Variants in SLC4A1AP observed in about 807,000 individuals in gnomAD.
SLC4A1AP encodes kanadaptin.
In SLC4A1AP, 64 loss-of-function variants were observed where a neutral mutation model predicts 89.7. The ratio of observed to expected loss-of-function variants is 0.71; its 90% CI spans 0.58 to 0.88. The LOEUF (loss-of-function observed/expected upper bound fraction) is 0.88. Among genes scored for constraint, SLC4A1AP ranks in the 40% least tolerant of loss-of-function variants. The pLI, the probability that SLC4A1AP is intolerant of heterozygous loss-of-function variation, is 0.00. For missense variants in SLC4A1AP, 931 were observed against 965.0 expected, an observed-to-expected ratio of 0.96 and a Z score of 0.47; for synonymous variants, 366 against 353.3, an observed-to-expected ratio of 1.04 and a Z score of -0.40.
rs1342996864 is a variant in SLC4A1AP, at chr2:27,694,708, C to A, written c.*25C>A. 2.7e-6 allele frequency: 4 copies of A among 1,488,844 alleles called. No homozygotes were observed. In the East Asian group the frequency reaches 9.2e-5, roughly 34 times the overall value. 92.2% of individuals were successfully genotyped at this position (1,488,844 alleles called of 1,614,324 possible). A position where few individuals can be genotyped will look rare whatever the true frequency, so the allele number is the denominator to read the frequency against. On this transcript the variant is annotated 3_prime_UTR_variant, in exon 14 of 14. Transcript: ENST00000613058. ...ATTGCTTCAGAATCCCAAAAGAAAA[C>A]CTTGTGGACCATGTGACATGGAATA...
intron 5 of SLC4A1AP, among the ~76,000 whole-genome samples, chr2:27,671,131 C>T (rs1345361297): frequency 6.6e-6 from 1 of 151,894 alleles, no homozygotes; most frequent in Non-Finnish European, 1.5e-5. Context: ...CCATATTGGC[C>T]AGGCTGGTGT....
chr2:27,691,302 T>G (rs1675782960), intron 12 of SLC4A1AP, among the ~76,000 whole-genome samples: 1 of 152,154 alleles, frequency 6.6e-6, no homozygotes, highest in Non-Finnish European at 1.5e-5. Context: ...AATTTATCCA[T>G]TTCTACTAGA....
intron 6 of SLC4A1AP, among the ~76,000 whole-genome samples, chr2:27,676,903 G>A (rs1005167335): frequency 9.9e-5 from 15 of 151,620 alleles, no homozygotes; most frequent in African/African-American, 3.6e-4. Context: ...CACTTTGAGA[G>A]GCTGAGGCAG....
exon 6 of SLC4A1AP, chr2:27,675,583 G>C (rs771603319): frequency 7.5e-6 from 12 of 1,608,992 alleles, no homozygotes; most frequent in Non-Finnish European, 1.0e-5. Context: ...TTTTATGATA[G>C]TGATGATGAC....
intron 2 of SLC4A1AP, among the ~76,000 whole-genome samples, chr2:27,666,018 C>T (rs1675312374): frequency 6.6e-6 from 1 of 152,170 alleles, no homozygotes; most frequent in South Asian, 2.1e-4. Context: ...GGTTACTGAG[C>T]ACTTGCAGTG....
chr2:27,667,424 CAT>C (rs760181763), intron 3 of SLC4A1AP, 34 bp downstream of exon 3: 4 of 1,596,694 alleles, frequency 2.5e-6, no homozygotes, highest in Non-Finnish European at 3.4e-6. Flanking sequence ...ACCACTAAAA[CAT>C]ATCCAGAGCA....
At chr2:27,693,418 G>A in intron 12 of SLC4A1AP, 2 of 413,860 alleles carry the variant, frequency 4.8e-6, no homozygotes, top group Non-Finnish European at 8.6e-6. Context: ...TCTGGTGCAT[G>A]CCAACCTTTT....
chr2:27,687,928 T>C lies in SLC4A1AP; in HGVS notation c.2117-6T>C. 1 of 1,608,708 alleles carries C rather than the reference T, an allele frequency of 6.2e-7. No homozygotes were observed. The highest frequency in any genetic ancestry group is 8.5e-7 in the Non-Finnish European group (1 of 1,175,592). ...TGACAATATGATTTGATATTGCTTT[T>C]TATAGAAAACATGTCTCAACTTAGC... On this transcript the variant is annotated splice_polypyrimidine_tract_variant and splice_region_variant and intron_variant, in intron 10 of 13. Transcript: ENST00000613058.
chr2:27,688,780 C>T lies in SLC4A1AP; in HGVS notation c.2271+13C>T, dbSNP rs199927063. 10 of 1,585,820 alleles carry T rather than the reference C, an allele frequency of 6.3e-6. No individual in the cohort carries two copies. Among genetic ancestry groups the T allele is most frequent in the Admixed American group, 1.8e-5 (1 of 54,330 alleles). On this transcript the variant is annotated intron_variant, in intron 12 of 13. Transcript: ENST00000613058. Reference sequence around the variant, plus strand: ...TGGTCCAGGCAAAGTAAGTATTTCACTTGTCTGGGAGTAAAAATGAATCCC... The same window carrying T: ...TGGTCCAGGCAAAGTAAGTATTTCATTTGTCTGGGAGTAAAAATGAATCCC...
At chr2:27,690,111 G>A (rs568403418) in intron 12 of SLC4A1AP, among the ~76,000 whole-genome samples, 5 of 152,206 alleles carry the variant, frequency 3.3e-5, no homozygotes, top group Admixed American at 3.3e-4. Context: ...TTGCTAACAG[G>A]CATAAGGACA....
chr2:27,670,385 C>T (rs1255262038), intron 5 of SLC4A1AP, among the ~76,000 whole-genome samples: 1 of 151,490 alleles, frequency 6.6e-6, no homozygotes, highest in African/African-American at 2.4e-5. Flanking sequence ...CTGAGTAGAG[C>T]ATCATTTATT....
chr2:27,668,824 G>T lies in SLC4A1AP; in HGVS notation c.1145-19G>T. On this transcript the variant is annotated intron_variant, in intron 3 of 13. Coordinates refer to ENST00000613058, the Ensembl canonical transcript of SLC4A1AP. ...TTTTGGATTCTATTAAAATTGTTTT[G>T]TCTGTCTTTCTCCCACAGGAGAAGA... The T allele has an allele frequency of 6.2e-7, 1 of 1,610,926 alleles. No individual in the cohort carries two copies.
At chr2:27,663,907 G>A in exon 1 of SLC4A1AP, 1 of 1,614,156 alleles carries the variant, frequency 6.2e-7, no homozygotes, top group Non-Finnish European at 8.5e-7. Context: ...AAGTTGCACC[G>A]GTTGAGGATG....
Position 27,666,372 on chromosome 2 carries a change from ACCCCG to A in SLC4A1AP, c.1022-891_1022-887del, listed in dbSNP as rs1675323512. The stretch of plus-strand genomic sequence containing the variant: ...GATCCACCCCCCACCCCCCCCCCCC[ACCCCG>A]CCCCCCGGCCTCCCAAAGTGTAGAG... On this transcript the variant is annotated intron_variant, in intron 2 of 13. Transcript: ENST00000613058. Among the ~76,000 whole-genome samples the A allele has an allele frequency of 5.9e-4, 2 of 3,386 alleles. 1 individual carries two copies. The highest frequency in any genetic ancestry group is 1.1e-3 in the African/African-American group (2 of 1,902). 2.2% of individuals were successfully genotyped at this position (3,386 alleles called of 152,430 possible).
intron 5 of SLC4A1AP, among the ~76,000 whole-genome samples, chr2:27,673,105 A>G (rs1675451496): frequency 6.6e-6 from 1 of 152,146 alleles, no homozygotes; most frequent in Admixed American, 6.5e-5. Flanking sequence ...CTATTTCTCA[A>G]CCAGTTTTTA....
chr2:27,671,635 T>C (rs1414008231), intron 5 of SLC4A1AP, among the ~76,000 whole-genome samples: 1 of 152,244 alleles, frequency 6.6e-6, no homozygotes, highest in Non-Finnish European at 1.5e-5. Context: ...TAAGATTTCT[T>C]TGTCCTTTCT....
chr2:27,681,937 T>C (rs1371139759), intron 8 of SLC4A1AP, among the ~76,000 whole-genome samples: 2 of 152,190 alleles, frequency 1.3e-5, no homozygotes, highest in Non-Finnish European at 2.9e-5. Flanking sequence ...CTCCTGCTGC[T>C]TATATGTTCT....
chr2:27,668,294 G>T (rs1486563470), intron 3 of SLC4A1AP, among the ~76,000 whole-genome samples: 2 of 151,900 alleles, frequency 1.3e-5, no homozygotes, highest in Admixed American at 6.6e-5. Flanking sequence ...GACTACAGGC[G>T]CCCGCCACCA....
intron 5 of SLC4A1AP, among the ~76,000 whole-genome samples, chr2:27,670,764 G>A (rs982751856): frequency 6.6e-6 from 1 of 151,822 alleles, no homozygotes; most frequent in Non-Finnish European, 1.5e-5. Flanking sequence ...GGGAGGCTGA[G>A]GCAGGAGAAT....
Sources: gnomAD v4.1 joint callset for allele counts (sites outside exome capture counted in the v4.1 genomes callset) on GRCh38, gnomAD v4.1.1 for gene constraint, MANE v1.5 for transcripts, NCBI Gene and HGNC (gene_info 2026-07-23, HGNC 2026-07-21) for gene names.